LRP1B: variants seen among roughly 807,000 people sequenced by gnomAD.
LRP1B encodes the protein LDL receptor related protein 1B, also known as low-density lipoprotein receptor-related protein 1B.
In LRP1B, 217 loss-of-function variants were observed where a neutral mutation model predicts 556.6. That is an observed-to-expected ratio of 0.39 (90% CI 0.35 to 0.44). The LOEUF is 0.44. Ranked by LOEUF, LRP1B falls within the 20% of genes least tolerant of loss-of-function variation. The pLI, the probability that LRP1B is intolerant of heterozygous loss-of-function variation, is 1.00. For missense variants in LRP1B, 5,053 were observed against 5,620.8 expected, an observed-to-expected ratio of 0.90 and a Z score of 3.23; for synonymous variants, 2,047 against 1,865.8, an observed-to-expected ratio of 1.10 and a Z score of -2.50.
At chr2:140,510,653 G>A (rs1047012713) in intron 51 of LRP1B, among the ~76,000 whole-genome samples, 6 of 152,132 alleles carry the variant, frequency 3.9e-5, no homozygotes, top group Admixed American at 2.6e-4. Context: ...AACCACTCAT[G>A]TCATTACTAT....
intron 33 of LRP1B, among the ~76,000 whole-genome samples, chr2:140,773,001 A>G (rs1013211806): frequency 2.6e-5 from 4 of 152,104 alleles, no homozygotes; most frequent in Non-Finnish European, 5.9e-5. Context: ...CGGGAGGCTG[A>G]GGCATGAGAA....
chr2:140,786,810 G>A (rs1016249097), intron 32 of LRP1B, among the ~76,000 whole-genome samples: 7 of 152,146 alleles, frequency 4.6e-5, no homozygotes, highest in African/African-American at 1.7e-4. Flanking sequence ...GAGAAGAACT[G>A]GAGAATGGCA....
intron 18 of LRP1B, among the ~76,000 whole-genome samples, chr2:140,975,784 T>C (rs1696578935): frequency 6.6e-6 from 1 of 152,134 alleles, no homozygotes; most frequent in Admixed American, 6.6e-5. Flanking sequence ...ATAAAAAATA[T>C]TATACTTAAT....
intron 1 of LRP1B, among the ~76,000 whole-genome samples, chr2:142,003,849 T>C (rs559200318): frequency 6.6e-6 from 1 of 152,344 alleles, no homozygotes; most frequent in South Asian, 2.1e-4. Context: ...ACATGGGCTC[T>C]GCTCTGGAGG....
intron 2 of LRP1B, among the ~76,000 whole-genome samples, chr2:141,715,190 G>A (rs748702880): frequency 2.6e-5 from 4 of 152,102 alleles, no homozygotes; most frequent in Admixed American, 1.3e-4. Context: ...CAATTTTGCC[G>A]GGCGTGGTGA....
chr2:141,673,693 G>A (rs1273194712), intron 2 of LRP1B, among the ~76,000 whole-genome samples: 1 of 151,930 alleles, frequency 6.6e-6, no homozygotes, highest in African/African-American at 2.4e-5. Context: ...CTATAATTGT[G>A]CAATTTATAT....
chr2:141,799,243 G>A (rs1176089895), intron 2 of LRP1B, among the ~76,000 whole-genome samples: 1 of 152,148 alleles, frequency 6.6e-6, no homozygotes, highest in African/African-American at 2.4e-5. Flanking sequence ...TGAGCATAAT[G>A]TGATATCATT....
rs149584190 is a variant in LRP1B at position 140,528,489 on chromosome 2, A to AT, written c.7763-2140dup. On this transcript the variant is annotated intron_variant, in intron 47 of 90. Transcript: ENST00000389484. ...AAAGAGTAGAAGATTTGCAGGATGT[A>AT]TTTTTTTTTTCCTATTTTCCAAAAT... Among the ~76,000 whole-genome samples the AT allele has an allele frequency of 3.3e-3, 500 of 150,138 alleles. 3 individuals are homozygous for AT. The highest frequency in any genetic ancestry group is 0.014 in the Middle Eastern group (4 of 292).
chr2:141,291,304 G>T (rs1165822589), intron 3 of LRP1B, among the ~76,000 whole-genome samples: 2 of 151,972 alleles, frequency 1.3e-5, no homozygotes, highest in Non-Finnish European at 2.9e-5. Flanking sequence ...AGTTTTTATA[G>T]AACATTTTAT....
At chr2:140,570,305 A>C (rs1681277455) in intron 43 of LRP1B, among the ~76,000 whole-genome samples, 1 of 151,602 alleles carries the variant, frequency 6.6e-6, no homozygotes, top group African/African-American at 2.4e-5. Context: ...CAGGAAAAAA[A>C]AACAAAAGAC....
chr2:141,562,957 A>C (rs989537087), intron 2 of LRP1B, among the ~76,000 whole-genome samples: 3 of 152,020 alleles, frequency 2.0e-5, no homozygotes, highest in Non-Finnish European at 4.4e-5. Context: ...AACTATGATA[A>C]TACCATAATA....
At chr2:142,123,632 A>G (rs1010853488) in intron 1 of LRP1B, among the ~76,000 whole-genome samples, 1 of 151,768 alleles carries the variant, frequency 6.6e-6, no homozygotes, top group African/African-American at 2.4e-5. Flanking sequence ...TAGCAAGGCA[A>G]CATGATCTAT....
intron 60 of LRP1B, among the ~76,000 whole-genome samples, chr2:140,459,039 T>C (rs1687212870): frequency 6.6e-6 from 1 of 152,098 alleles, no homozygotes; most frequent in African/African-American, 2.4e-5. Flanking sequence ...AAAATCCAGA[T>C]TTGTACACTT....
chr2:140,245,047 A>G (rs140201633), intron 87 of LRP1B, among the ~76,000 whole-genome samples: 101 of 151,508 alleles, frequency 6.7e-4, no homozygotes, highest in African/African-American at 2.2e-3. Flanking sequence ...AGCATCTAAT[A>G]GAGTCATTAT....
chr2:141,703,900 A>C (rs935607937), intron 2 of LRP1B, among the ~76,000 whole-genome samples: 3 of 151,956 alleles, frequency 2.0e-5, no homozygotes, highest in African/African-American at 7.2e-5. Flanking sequence ...CTGTGATGTA[A>C]GAAAAATCTC....
intron 45 of LRP1B, among the ~76,000 whole-genome samples, chr2:140,538,945 G>A (rs1316097814): frequency 1.3e-5 from 2 of 152,118 alleles, no homozygotes; most frequent in African/African-American, 4.8e-5. Flanking sequence ...AACATTGTAT[G>A]AATACAATTC....
chr2:140,463,074 A>G (rs1344563045), intron 60 of LRP1B, among the ~76,000 whole-genome samples: 1 of 152,202 alleles, frequency 6.6e-6, no homozygotes, highest in Non-Finnish European at 1.5e-5. Context: ...AGATTAAACA[A>G]AGGCTATGAA....
At chr2:141,969,856 T>G (rs1701678438) in intron 1 of LRP1B, among the ~76,000 whole-genome samples, 1 of 151,602 alleles carries the variant, frequency 6.6e-6, no homozygotes, top group Admixed American at 6.6e-5. Context: ...GCATACATTT[T>G]TCCATAATGG....
intron 2 of LRP1B, among the ~76,000 whole-genome samples, chr2:141,495,804 A>G (rs1574012936): frequency 6.6e-6 from 1 of 152,084 alleles, no homozygotes; most frequent in African/African-American, 2.4e-5. Context: ...ATAAATATAC[A>G]CATATATATC....
Sources: gnomAD v4.1 joint callset for allele counts (sites outside exome capture counted in the v4.1 genomes callset) on GRCh38, gnomAD v4.1.1 for gene constraint, MANE v1.5 for transcripts, NCBI Gene and HGNC (gene_info 2026-07-23, HGNC 2026-07-21) for gene names.